The following MBNL1 variants were observed in gnomAD, a reference collection of about 807,000 sequenced individuals.
MBNL1 encodes muscleblind-like protein 1.
A neutral mutation model predicts 42.2 loss-of-function variants in MBNL1; 8 were observed. That is an observed-to-expected ratio of 0.19 (90% CI 0.11 to 0.34). The LOEUF (loss-of-function observed/expected upper bound fraction) is 0.34. Ranked by LOEUF, MBNL1 falls within the 10% of genes least tolerant of loss-of-function variation. The probability of loss-of-function intolerance (pLI) is 1.00; values close to 1 mark genes in which losing one functional copy is unlikely to be tolerated. For synonymous variants in MBNL1, 169 were observed against 173.9 expected, an observed-to-expected ratio of 0.97 and a Z score of 0.22; for missense variants, 309 against 495.3, an observed-to-expected ratio of 0.62 and a Z score of 3.57.
intron 1 of MBNL1, among the ~76,000 whole-genome samples, chr3:152,273,718 G>A (rs749901903): frequency 6.6e-6 from 1 of 152,042 alleles, no homozygotes; most frequent in Admixed American, 6.5e-5. Context: ...TTCCAAAAAG[G>A]TGAAGATGTT....
intron 2 of MBNL1, among the ~76,000 whole-genome samples, chr3:152,323,460 C>T (rs979311554): frequency 6.6e-6 from 1 of 151,956 alleles, no homozygotes; most frequent in African/African-American, 2.4e-5. Flanking sequence ...CACACACGTG[C>T]GTGCACACAC....
chr3:152,293,014 C>T lies in MBNL1; in HGVS notation c.-789-6391C>T, dbSNP rs185258630. The stretch of plus-strand genomic sequence containing the variant: ...GAACACCTGGCCTCAAGCAGTCCTC[C>T]ACTTCAGCCTCCCAAAGTGTTGGAT... On this transcript the variant is annotated intron_variant, in intron 1 of 9. Transcript: ENST00000324210. Among the ~76,000 whole-genome samples, 250 of 152,268 alleles carry T rather than the reference C, an allele frequency of 1.6e-3. 2 individuals carry two copies. Among genetic ancestry groups the T allele is most frequent in the African/African-American group, 5.6e-3 (232 of 41,544 alleles).
chr3:152,388,269 C>T (rs2097533909), intron 2 of MBNL1, among the ~76,000 whole-genome samples: 1 of 152,088 alleles, frequency 6.6e-6, no homozygotes, highest in Non-Finnish European at 1.5e-5. Context: ...GTTGACTGTT[C>T]ATATAAGCCA....
chr3:152,385,967 G>A (rs73009977), intron 2 of MBNL1, among the ~76,000 whole-genome samples: 19,781 of 151,978 alleles, frequency 0.13, 1,555 homozygotes, highest in African/African-American at 0.22. Flanking sequence ...GGAACATTCA[G>A]TGATGTACTT....
chr3:152,406,177 A>G (rs1301452828), intron 2 of MBNL1, among the ~76,000 whole-genome samples: 1 of 152,164 alleles, frequency 6.6e-6, no homozygotes, highest in East Asian at 1.9e-4. Context: ...GTGGCAGACA[A>G]TAGGTGCAGT....
At chr3:152,453,867 C>A (rs964264214) in intron 6 of MBNL1, among the ~76,000 whole-genome samples, 1 of 152,186 alleles carries the variant, frequency 6.6e-6, no homozygotes, top group Non-Finnish European at 1.5e-5. Context: ...AGGCAAGTCT[C>A]AGCCTAATAA....
intron 2 of MBNL1, among the ~76,000 whole-genome samples, chr3:152,396,805 T>C (rs2097967963): frequency 6.6e-6 from 1 of 152,210 alleles, no homozygotes; most frequent in African/African-American, 2.4e-5. Flanking sequence ...GGGGATTACC[T>C]GTTTATTGTA....
At chr3:152,369,595 C>A (rs540615691) in intron 2 of MBNL1, among the ~76,000 whole-genome samples, 1 of 152,240 alleles carries the variant, frequency 6.6e-6, no homozygotes, top group African/African-American at 2.4e-5. Flanking sequence ...GTACCAGCTC[C>A]TCTTTGTACC....
chr3:152,304,893 G>A (rs1413917619), intron 2 of MBNL1, among the ~76,000 whole-genome samples: 1 of 152,220 alleles, frequency 6.6e-6, no homozygotes, highest in South Asian at 2.1e-4. Context: ...TTTTTTATGA[G>A]TAAAGGTTTT....
At position 152,299,535 on chromosome 3, in the gene MBNL1, A is replaced by G. The variant is rs1434261889; in HGVS notation, c.-659A>G. 2.5e-6 allele frequency: 1 copy of G among 393,542 alleles called. No homozygotes were observed. Among genetic ancestry groups the G allele is most frequent in the East Asian group, 3.6e-5 (1 of 27,840 alleles). 24.4% of individuals were successfully genotyped at this position (393,542 alleles called of 1,614,324 possible). ...CACATCCACCCTCCACCTCTAGCCC[A>G]GACACCCCCATTTCTACTTATAATC... On this transcript the variant is annotated 5_prime_UTR_variant, in exon 2 of 10. Coordinates refer to ENST00000324210, the MANE Select transcript of MBNL1 (RefSeq NM_021038.5).
intron 2 of MBNL1, among the ~76,000 whole-genome samples, chr3:152,411,751 C>T (rs2098581450): frequency 6.6e-6 from 1 of 152,122 alleles, no homozygotes; most frequent in African/African-American, 2.4e-5. Flanking sequence ...CATTGAATGT[C>T]TATACAAATC....
At chr3:152,364,451 T>A in intron 2 of MBNL1, among the ~76,000 whole-genome samples, 1 of 152,060 alleles carries the variant, frequency 6.6e-6, no homozygotes, top group East Asian at 1.9e-4. Context: ...ATTCATTACA[T>A]GCCTGTCATC....
At chr3:152,434,096 A>G (rs2099046266) in intron 4 of MBNL1, among the ~76,000 whole-genome samples, 1 of 152,164 alleles carries the variant, frequency 6.6e-6, no homozygotes. Flanking sequence ...GCAGGTTTTT[A>G]TATAGGTAAA....
intron 2 of MBNL1, chr3:152,335,265 T>C (rs1380755550): frequency 1.6e-6 from 2 of 1,289,654 alleles, no homozygotes; most frequent in African/African-American, 1.5e-5. Flanking sequence ...GCCAGTTTGC[T>C]AAGATACCAT....
At chr3:152,393,060 A>C (rs1388922093) in intron 2 of MBNL1, among the ~76,000 whole-genome samples, 1 of 152,172 alleles carries the variant, frequency 6.6e-6, no homozygotes, top group Non-Finnish European at 1.5e-5. Context: ...TCTTGCCAAG[A>C]TGCCTCCCAT....
intron 2 of MBNL1, among the ~76,000 whole-genome samples, chr3:152,339,363 G>A (rs564308695): frequency 6.6e-6 from 1 of 152,294 alleles, no homozygotes; most frequent in African/African-American, 2.4e-5. Flanking sequence ...GTAAGGGTGT[G>A]TGTGTGTATG....
chr3:152,359,646 G>T (rs1367101227), intron 2 of MBNL1, among the ~76,000 whole-genome samples: 2 of 152,160 alleles, frequency 1.3e-5, no homozygotes, highest in Non-Finnish European at 2.9e-5. Flanking sequence ...AGAATCCCAG[G>T]ATTTTCATTC....
intron 2 of MBNL1, among the ~76,000 whole-genome samples, chr3:152,404,398 ATAT>A (rs2098358907): frequency 1.3e-5 from 2 of 152,216 alleles, no homozygotes; most frequent in Admixed American, 1.3e-4. Context: ...ATATTACATA[ATAT>A]TATACTTTGA....
chr3:152,247,988 T>C (rs576837569), intron 2 of MBNL1, among the ~76,000 whole-genome samples: 1 of 152,132 alleles, frequency 6.6e-6, no homozygotes, highest in Non-Finnish European at 1.5e-5. Context: ...TATTTCATCA[T>C]GAGCCTTTAG....
Sources: allele counts gnomAD v4.1 joint callset (sites outside exome capture counted in the v4.1 genomes callset), GRCh38; gene constraint gnomAD v4.1.1; transcripts MANE v1.5; gene names NCBI Gene and HGNC (gene_info 2026-07-23, HGNC 2026-07-21).